EPHX4: variants seen among roughly 807,000 people sequenced by gnomAD.
EPHX4 encodes the protein abhydrolase domain containing 7.
Under a neutral mutation model 44.9 loss-of-function variants are expected in EPHX4, and 31 were observed. The observed-to-expected ratio is 0.69, with a 90% CI of 0.52 to 0.93. EPHX4 has a LOEUF of 0.93. Among genes scored for constraint, EPHX4 ranks in the 40% least tolerant of loss-of-function variants. The probability of loss-of-function intolerance (pLI) is 0.00; values close to 1 mark genes in which losing one functional copy is unlikely to be tolerated. For missense variants in EPHX4, 373 were observed against 438.1 expected (o/e 0.85, Z 1.33); for synonymous variants, 151 against 159.7 (o/e 0.95, Z 0.41).
At chr1:92,038,964 CT>C (rs758337806) in intron 2 of EPHX4, among the ~76,000 whole-genome samples, 16 of 152,156 alleles carry the variant, frequency 1.1e-4, no homozygotes, top group Non-Finnish European at 2.1e-4. Flanking sequence ...ATTTCTTCAT[CT>C]GTTAAGTGAA....
intron 2 of EPHX4, among the ~76,000 whole-genome samples, chr1:92,039,650 A>AATTT (rs1236753574): frequency 1.3e-5 from 2 of 151,956 alleles, no homozygotes; most frequent in East Asian, 3.9e-4. Flanking sequence ...TTATTTAATT[A>AATTT]ATTTATTTAT....
chr1:92,057,701 G>C (rs1292362658), intron 6 of EPHX4, among the ~76,000 whole-genome samples: 1 of 151,904 alleles, frequency 6.6e-6, no homozygotes, highest in Non-Finnish European at 1.5e-5. Context: ...CCAGGTTCAA[G>C]TGATTCTGCT....
At chr1:92,039,962 T>C (rs1688487554) in intron 2 of EPHX4, among the ~76,000 whole-genome samples, 1 of 152,112 alleles carries the variant, frequency 6.6e-6, no homozygotes, top group African/African-American at 2.4e-5. Flanking sequence ...CCAGAAGACA[T>C]GTTTATTAGC....
At chr1:92,049,613 G>A (rs982303549) in intron 4 of EPHX4, among the ~76,000 whole-genome samples, 12 of 152,018 alleles carry the variant, frequency 7.9e-5, no homozygotes, top group African/African-American at 2.9e-4. Context: ...TTCCTTTTGA[G>A]GCCAGATGAA....
At chr1:92,061,544 A>G (rs926940906) in intron 6 of EPHX4, among the ~76,000 whole-genome samples, 3 of 152,250 alleles carry the variant, frequency 2.0e-5, no homozygotes, top group African/African-American at 7.2e-5. Context: ...CTTCTAGGCT[A>G]TAGCTCAAAG....
intron 6 of EPHX4, among the ~76,000 whole-genome samples, chr1:92,061,473 A>T (rs1647492762): frequency 6.6e-6 from 1 of 152,168 alleles, no homozygotes; most frequent in South Asian, 2.1e-4. Flanking sequence ...TTTCTGAAAA[A>T]CAGTAACAGA....
chr1:92,044,948 A>T (rs1273906560), intron 3 of EPHX4, among the ~76,000 whole-genome samples: 1 of 150,954 alleles, frequency 6.6e-6, no homozygotes, highest in African/African-American at 2.4e-5. Flanking sequence ...TTTCTTTTGT[A>T]CCCCCCCACA....
In EPHX4 at chr1:92,052,513, T is replaced by C; in HGVS notation, c.712T>C (p.Leu238=). ...ATTGTTTTCTCACTTAAATTAGGTT[T>C]TGAAACATCTGTTTACCAGTCACAG... ...FMFSINDFKV[L]KHLFTSHSTG... Residue 238 remains leucine (L), a synonymous_variant, in exon 6 of 7, where the codon TTG becomes CTG. Coordinates refer to ENST00000370383, the MANE Select transcript of EPHX4 (RefSeq NM_173567.5). 10 of 1,595,954 alleles carry C rather than the reference T, an allele frequency of 6.3e-6. No individual in the cohort carries two copies. The highest frequency in any genetic ancestry group is 8.5e-6 in the Non-Finnish European group (10 of 1,173,746).
intron 2 of EPHX4, among the ~76,000 whole-genome samples, chr1:92,035,834 A>G (rs1275147480): frequency 6.6e-6 from 1 of 152,160 alleles, no homozygotes; most frequent in Non-Finnish European, 1.5e-5. Context: ...TAAGTGACTT[A>G]TATATACCAT....
At chr1:92,038,769 G>A (rs892941777) in intron 2 of EPHX4, among the ~76,000 whole-genome samples, 1 of 152,102 alleles carries the variant, frequency 6.6e-6, no homozygotes, top group African/African-American at 2.4e-5. Context: ...TCAGACAAAG[G>A]AAACCATATG....
chr1:92,038,359 G>A (rs1326643198), intron 2 of EPHX4, among the ~76,000 whole-genome samples: 2 of 152,282 alleles, frequency 1.3e-5, no homozygotes, highest in Admixed American at 1.3e-4. Flanking sequence ...ATAGGAATTT[G>A]GGACCGTTAG....
At chr1:92,041,254 T>C (rs533205592) in intron 2 of EPHX4, among the ~76,000 whole-genome samples, 1 of 152,348 alleles carries the variant, frequency 6.6e-6, no homozygotes, top group Non-Finnish European at 1.5e-5. Flanking sequence ...ATGTTTTTAG[T>C]ATCACTCTTG....
intron 5 of EPHX4, 118 bp from the exon 6 acceptor site, chr1:92,052,392 G>C: frequency 1.1e-6 from 1 of 909,250 alleles, no homozygotes. Flanking sequence ...AACTTGGCTA[G>C]AGCAGAAATT....
chr1:92,043,960 A>C (rs1688549000), intron 3 of EPHX4, among the ~76,000 whole-genome samples: 2 of 152,234 alleles, frequency 1.3e-5, no homozygotes, highest in South Asian at 4.1e-4. Context: ...ACGAGACCAA[A>C]GCAAATCACA....
chr1:92,039,646 AATTAATTT>A (rs1469892214), intron 2 of EPHX4, among the ~76,000 whole-genome samples: 1 of 151,306 alleles, frequency 6.6e-6, no homozygotes, highest in African/African-American at 2.4e-5. Flanking sequence ...ACGTTTATTT[AATTAATTT>A]ATTTATTTAT....
rs1443958300 is a variant in EPHX4, at chr1:92,032,486, C to T, written c.232-19C>T. On this transcript the variant is annotated intron_variant, in intron 1 of 6. Coordinates refer to ENST00000370383, the MANE Select transcript of EPHX4 (RefSeq NM_173567.5). Reference sequence around the variant, plus strand: ...AATCAACACAAACATCACTAAAATTCCATGCCCTCTACTTTCAGGATTCAG... The same window carrying T: ...AATCAACACAAACATCACTAAAATTTCATGCCCTCTACTTTCAGGATTCAG... 3 of 1,597,788 alleles carry T rather than the reference C, an allele frequency of 1.9e-6. No individual in the cohort carries two copies. In the Admixed American group the frequency reaches 5.0e-5, roughly 27 times the overall value.
chr1:92,045,456 T>C, intron 3 of EPHX4, 76 bp from the exon 4 acceptor site: 2 of 1,535,866 alleles, frequency 1.3e-6, no homozygotes, highest in South Asian at 2.4e-5. Context: ...TTCAGAAGTA[T>C]AACTATTTTA....
In EPHX4 at chr1:92,032,572, A is replaced by G; in HGVS notation, c.299A>G (p.His100Arg). The G allele has an allele frequency of 1.2e-6, 2 of 1,614,070 alleles. No individual in the cohort carries two copies. Among genetic ancestry groups the G allele is most frequent in the South Asian group, 2.2e-5 (2 of 91,072 alleles). The change falls in exon 2 of 7, where the codon CAT becomes CGT. Residue 100 changes from histidine (H) to arginine (R), a missense_variant. Coordinates refer to ENST00000370383, the MANE Select transcript of EPHX4 (RefSeq NM_173567.5). Reference sequence around the variant, plus strand: ...GGCAAACCACTTATGCTGCTGCTTCATGGATTTCCAGAATTCTGGTAAGCT... The same window carrying G: ...GGCAAACCACTTATGCTGCTGCTTCGTGGATTTCCAGAATTCTGGTAAGCT... ...ERGKPLMLLL[H>R]GFPEFWYSWR...
At chr1:92,048,394 A>G (rs1688612301) in intron 4 of EPHX4, among the ~76,000 whole-genome samples, 1 of 152,232 alleles carries the variant, frequency 6.6e-6, no homozygotes, top group African/African-American at 2.4e-5. Context: ...TGGTGATTTC[A>G]GCAAGAAAAT....
Sources: gnomAD v4.1 joint callset for allele counts (sites outside exome capture counted in the v4.1 genomes callset) on GRCh38, gnomAD v4.1.1 for gene constraint, MANE v1.5 for transcripts, NCBI Gene and HGNC (gene_info 2026-07-23, HGNC 2026-07-21) for gene names.